The following DNAAF9 variants were observed in gnomAD, a reference collection of about 807,000 sequenced individuals.
The protein encoded by DNAAF9 is dynein axonemal assembly factor 9.
A neutral mutation model predicts 167.0 loss-of-function variants in DNAAF9; 90 were observed. That is an observed-to-expected ratio of 0.54 (90% CI 0.45 to 0.64). The LOEUF (loss-of-function observed/expected upper bound fraction) is 0.64, where lower values mean the gene tolerates loss of function less well. Ranked by LOEUF, DNAAF9 falls within the 30% of genes least tolerant of loss-of-function variation. DNAAF9 has a pLI of 0.00. For synonymous variants in DNAAF9, 491 were observed against 508.8 expected (o/e 0.96, Z 0.47); for missense variants, 1,315 against 1,442.2 (o/e 0.91, Z 1.43).
intron 29 of DNAAF9, among the ~76,000 whole-genome samples, chr20:3,271,047 A>C (rs1568569771): frequency 6.6e-6 from 1 of 152,120 alleles, no homozygotes; most frequent in East Asian, 1.9e-4. Flanking sequence ...TCCTGACCTC[A>C]GGTGATCAGC....
chr20:3,340,907 A>G (rs1401612838), intron 9 of DNAAF9, among the ~76,000 whole-genome samples: 1 of 152,112 alleles, frequency 6.6e-6, no homozygotes. Context: ...TTTTTGAGGA[A>G]TAAGTTCCAT....
At chr20:3,364,879 C>T (rs1568629798) in intron 6 of DNAAF9, among the ~76,000 whole-genome samples, 1 of 151,586 alleles carries the variant, frequency 6.6e-6, no homozygotes, top group Non-Finnish European at 1.5e-5. Context: ...CTTTCCCTCC[C>T]TTCCCCTCCC....
At chr20:3,397,196 G>A (rs2083920086) in intron 1 of DNAAF9, among the ~76,000 whole-genome samples, 1 of 150,750 alleles carries the variant, frequency 6.6e-6, no homozygotes, top group South Asian at 2.1e-4. Context: ...GCTGTCAGTG[G>A]AGATCACACC....
At chr20:3,287,510 C>T (rs188794911) in intron 27 of DNAAF9, 122 bp downstream of exon 27, 21 of 914,706 alleles carry the variant, frequency 2.3e-5, no homozygotes, top group Middle Eastern at 2.3e-4. Context: ...TTCTCTGTAG[C>T]GCAGACACTG....
intron 26 of DNAAF9, 85 bp from the exon 27 acceptor site, chr20:3,287,875 T>C (rs1413041401): frequency 1.6e-6 from 2 of 1,247,336 alleles, no homozygotes; most frequent in Non-Finnish European, 2.3e-6. Flanking sequence ...AATGTGACCA[T>C]GAGTCCTAAA....
intron 33 of DNAAF9, among the ~76,000 whole-genome samples, chr20:3,258,802 C>G (rs1478802827): frequency 1.3e-5 from 2 of 152,186 alleles, no homozygotes; most frequent in African/African-American, 4.8e-5. Context: ...GTGATAACAG[C>G]TGAAGACACC....
At chr20:3,278,092 T>A (rs1003427372) in intron 29 of DNAAF9, among the ~76,000 whole-genome samples, 18 of 152,174 alleles carry the variant, frequency 1.2e-4, no homozygotes, top group Admixed American at 5.9e-4. Context: ...ATTCTGGACC[T>A]CCAAACATCA....
At chr20:3,319,819 C>T (rs1302323173) in intron 16 of DNAAF9, among the ~76,000 whole-genome samples, 3 of 152,100 alleles carry the variant, frequency 2.0e-5, no homozygotes, top group East Asian at 1.9e-4. Flanking sequence ...GACAAGTAGG[C>T]GTCTATATTT....
At chr20:3,360,310 T>C (rs1240329608) in intron 6 of DNAAF9, among the ~76,000 whole-genome samples, 3 of 152,182 alleles carry the variant, frequency 2.0e-5, no homozygotes, top group Non-Finnish European at 4.4e-5. Context: ...TCTACACCCA[T>C]TCCTATTCAC....
intron 21 of DNAAF9, among the ~76,000 whole-genome samples, chr20:3,303,402 T>C (rs1470231080): frequency 6.6e-6 from 1 of 152,196 alleles, no homozygotes; most frequent in Non-Finnish European, 1.5e-5. Flanking sequence ...TTAATTTTAA[T>C]CCCTCAGAAG....
intron 10 of DNAAF9, 71 bp downstream of exon 10, chr20:3,340,433 T>TCCGGGGGGGCCCCCCCCCC: frequency 4.5e-6 from 1 of 221,214 alleles, no homozygotes; most frequent in Non-Finnish European, 9.5e-6. Flanking sequence ...TTTGTCTAGC[T>TCCGGGGGGGCCCCCCCCCC]CCCCCCACCC....
chr20:3,367,320 G>A (rs760740233), intron 6 of DNAAF9, among the ~76,000 whole-genome samples: 1 of 152,196 alleles, frequency 6.6e-6, no homozygotes, highest in East Asian at 1.9e-4. Context: ...AAGTTTCTCC[G>A]TATCAGCAAT....
chr20:3,322,238 A>T lies in DNAAF9; in HGVS notation c.1335T>A (p.Asp445Glu), dbSNP rs773117653. 1 of 1,610,772 alleles carries T rather than the reference A, an allele frequency of 6.2e-7. No individual in the cohort carries two copies. The change falls in exon 16 of 37, where the codon GAT becomes GAA. Residue 445 changes from aspartate to glutamate, a missense_variant. Asp to Glu is a conservative substitution (Grantham distance 45, BLOSUM62 2). Around this residue, in one of 2 missense-constraint regions of DNAAF9, gnomAD observed 981 missense variants for 1,012.5 expected, o/e 0.97. Transcript: ENST00000252032. ...TTACCGTCTTCACAAAGGATAAGCT[A>T]TCTTCACTGTCCAGCGGTACAATTC... ...QGRIVPLDSE[D>E]SLSFVKTACM...
chr20:3,313,709 A>C (rs770590951), intron 20 of DNAAF9, among the ~76,000 whole-genome samples: 2 of 152,228 alleles, frequency 1.3e-5, no homozygotes, highest in Non-Finnish European at 2.9e-5. Flanking sequence ...ATAACATATA[A>C]AATTGAAGGA....
rs751404489 is a variant in DNAAF9 at position 3,316,778 on chromosome 20, G to C, written c.1484C>G (p.Thr495Arg). ...AGTCAGGACTACGGAGCTGGTTTCT[G>C]TGGTAACAGTGCCATCTGCAGGAAC... The part of the protein sequence containing the change: ...LVKEKDGTVT[T>R]ETSSVVLTAA... The change falls in exon 18 of 37, where the codon ACA becomes AGA. Residue 495 changes from threonine (T) to arginine (R), a missense_variant. Physicochemically the swap from Thr to Arg is moderately conservative, Grantham distance 71. Coordinates refer to ENST00000252032, the MANE Select transcript of DNAAF9 (RefSeq NM_001009984.3). 2.5e-6 allele frequency: 4 copies of C among 1,612,804 alleles called. No individual in the cohort carries two copies. Among genetic ancestry groups the C allele is most frequent in the Non-Finnish European group, 2.5e-6 (3 of 1,179,254 alleles).
At chr20:3,399,688 G>C (rs1216012941) in intron 1 of DNAAF9, among the ~76,000 whole-genome samples, 1 of 152,132 alleles carries the variant, frequency 6.6e-6, no homozygotes, top group Non-Finnish European at 1.5e-5. Flanking sequence ...TTTCTTGTCT[G>C]ACAGACATGA....
At chr20:3,329,299 C>G (rs1026310622) in intron 12 of DNAAF9, among the ~76,000 whole-genome samples, 2 of 152,190 alleles carry the variant, frequency 1.3e-5, no homozygotes, top group Non-Finnish European at 2.9e-5. Context: ...TCCCAAGTAG[C>G]TGGGAATACA....
rs562466988 is a variant in DNAAF9 at position 3,306,200 on chromosome 20, C to A, written c.1679-1657G>T. On this transcript the variant is annotated intron_variant, in intron 20 of 36. Transcript: ENST00000252032. The stretch of plus-strand genomic sequence containing the variant: ...CCCAGAATGTCATGACTTCTGAAAT[C>A]TCCAGCCCAGCAACTACTCTCTGAC... Among the ~76,000 whole-genome samples, 10 of 152,312 alleles carry A rather than the reference C, an allele frequency of 6.6e-5. No individual in the cohort carries two copies. In the East Asian group the frequency reaches 1.7e-3, roughly 26 times the overall value.
At chr20:3,347,243 T>G (rs556483294) in intron 8 of DNAAF9, among the ~76,000 whole-genome samples, 1 of 152,304 alleles carries the variant, frequency 6.6e-6, no homozygotes, top group South Asian at 2.1e-4. Context: ...TGAAGCAAGA[T>G]CTTTCAAGTA....
Sources: allele counts gnomAD v4.1 joint callset (sites outside exome capture counted in the v4.1 genomes callset), GRCh38; gene constraint gnomAD v4.1.1; regional missense constraint gnomAD v4.1.1; transcripts MANE v1.5; gene names NCBI Gene and HGNC (gene_info 2026-07-23, HGNC 2026-07-21).